NOS1AP: variants seen among roughly 807,000 people sequenced by gnomAD.
NOS1AP encodes carboxyl-terminal PDZ ligand of neuronal nitric oxide synthase protein.
In NOS1AP, 21 loss-of-function variants were observed where a neutral mutation model predicts 56.2. That is an observed-to-expected ratio of 0.37 (90% confidence interval 0.26 to 0.54). NOS1AP has a LOEUF of 0.54. Ranked by LOEUF, NOS1AP falls within the 20% of genes least tolerant of loss-of-function variation. The pLI, the probability that NOS1AP is intolerant of heterozygous loss-of-function variation, is 0.84. For missense variants in NOS1AP, 522 were observed against 657.8 expected (o/e 0.79, Z 2.26); for synonymous variants, 270 against 274.6 (o/e 0.98, Z 0.17).
intron 8 of NOS1AP, chr1:162,360,524 C>A (rs968644105): frequency 1.1e-5 from 3 of 277,886 alleles, no homozygotes; most frequent in Non-Finnish European, 2.1e-5. Context: ...AGCCTTTTTC[C>A]TGAGGAAAGT....
At chr1:162,294,842 CTAAT>C (rs1320450346) in intron 3 of NOS1AP, among the ~76,000 whole-genome samples, 1 of 152,192 alleles carries the variant, frequency 6.6e-6, no homozygotes, top group African/African-American at 2.4e-5. Flanking sequence ...GCCCCTAGGA[CTAAT>C]TAATCTGCTC....
intron 2 of NOS1AP, among the ~76,000 whole-genome samples, chr1:162,194,588 A>G (rs1310236286): frequency 6.6e-6 from 1 of 152,184 alleles, no homozygotes; most frequent in Non-Finnish European, 1.5e-5. Flanking sequence ...CTTGGATATG[A>G]AAATGGTCTT....
At chr1:162,105,185 A>G (rs1236369762) in intron 1 of NOS1AP, among the ~76,000 whole-genome samples, 1 of 151,884 alleles carries the variant, frequency 6.6e-6, no homozygotes, top group African/African-American at 2.4e-5. Flanking sequence ...CTGGGGGTCC[A>G]CTCCAGACCC....
chr1:162,088,950 C>T (rs1172603938), intron 1 of NOS1AP, among the ~76,000 whole-genome samples: 1 of 152,138 alleles, frequency 6.6e-6, no homozygotes, highest in African/African-American at 2.4e-5. Context: ...GGGATTTTCT[C>T]TCCCTCTCGC....
At chr1:162,181,939 A>G (rs1651278776) in intron 2 of NOS1AP, among the ~76,000 whole-genome samples, 1 of 152,258 alleles carries the variant, frequency 6.6e-6, no homozygotes, top group South Asian at 2.1e-4. Flanking sequence ...AGGACTCTGG[A>G]GAATTCCTGG....
intron 1 of NOS1AP, among the ~76,000 whole-genome samples, chr1:162,107,738 A>G (rs528173245): frequency 6.6e-6 from 1 of 152,308 alleles, no homozygotes; most frequent in South Asian, 2.1e-4. Context: ...CACAGAGAGG[A>G]ACAGACAGGA....
rs1388205023 is a variant in NOS1AP, at chr1:162,357,133, C to T, written c.936C>T (p.Ala312=). Residue 312 remains alanine, a synonymous_variant, in exon 8 of 10, where the codon GCC becomes GCT. Transcript: ENST00000361897. ...AGCAGCAGACACAAGTGGCTGTGGC[C>T]CAGGTTCTCCTCAGCCTCCTCCCTA... ...QQQQQTQVAV[A]QVHLLKDQLA... 1.2e-6 allele frequency: 2 copies of T among 1,605,784 alleles called. No individual in the cohort carries two copies. Among genetic ancestry groups the T allele is most frequent in the Middle Eastern group, 1.6e-4 (1 of 6,078 alleles).
At chr1:162,355,847 C>T (rs1657688809) in intron 7 of NOS1AP, among the ~76,000 whole-genome samples, 2 of 152,316 alleles carry the variant, frequency 1.3e-5, no homozygotes, top group South Asian at 2.1e-4. Flanking sequence ...CCACCTTAGT[C>T]TTCATCAGCT....
At chr1:162,168,014 T>C (rs961321703) in intron 2 of NOS1AP, among the ~76,000 whole-genome samples, 1 of 88,720 alleles carries the variant, frequency 1.1e-5, no homozygotes, top group Admixed American at 1.1e-4. Flanking sequence ...AAAAAAAAAA[T>C]ACCAGTGAAA....
At chr1:162,332,432 G>T (rs1430163115) in intron 4 of NOS1AP, among the ~76,000 whole-genome samples, 1 of 152,130 alleles carries the variant, frequency 6.6e-6, no homozygotes, top group African/African-American at 2.4e-5. Context: ...TGTGACCCTG[G>T]CTGCTGGGAT....
At chr1:162,091,625 G>A (rs540794487) in intron 1 of NOS1AP, among the ~76,000 whole-genome samples, 8 of 152,158 alleles carry the variant, frequency 5.3e-5, no homozygotes, top group Non-Finnish European at 5.9e-5. Context: ...CCCCCATGGA[G>A]CAGCAAAACA....
chr1:162,337,033 G>A (rs1656963869), intron 5 of NOS1AP, among the ~76,000 whole-genome samples: 1 of 152,206 alleles, frequency 6.6e-6, no homozygotes, highest in Non-Finnish European at 1.5e-5. Context: ...TTCATTTGCA[G>A]GGCCTTTTGC....
chr1:162,164,426 A>G (rs555158728), intron 2 of NOS1AP, among the ~76,000 whole-genome samples: 296 of 152,338 alleles, frequency 1.9e-3, no homozygotes, highest in Non-Finnish European at 3.4e-3. Flanking sequence ...GACATTAAAT[A>G]CATTCACAAT....
chr1:162,074,641 T>C (rs1473442298), intron 1 of NOS1AP, among the ~76,000 whole-genome samples: 1 of 152,176 alleles, frequency 6.6e-6, no homozygotes, highest in Non-Finnish European at 1.5e-5. Context: ...CAAGACTCAG[T>C]AGCTTGAAAC....
intron 2 of NOS1AP, among the ~76,000 whole-genome samples, chr1:162,285,296 A>G (rs1655054901): frequency 6.6e-6 from 1 of 152,200 alleles, no homozygotes; most frequent in Non-Finnish European, 1.5e-5. Context: ...TTAAAGCCCA[A>G]GTGACTGGAG....
chr1:162,362,743 T>G (rs1290393955), intron 8 of NOS1AP, among the ~76,000 whole-genome samples: 1 of 152,226 alleles, frequency 6.6e-6, no homozygotes, highest in Non-Finnish European at 1.5e-5. Flanking sequence ...AAGCTTACCC[T>G]TCTCTGAGGC....
At chr1:162,279,306 T>C (rs1654842088) in intron 2 of NOS1AP, among the ~76,000 whole-genome samples, 1 of 152,170 alleles carries the variant, frequency 6.6e-6, no homozygotes, top group Non-Finnish European at 1.5e-5. Flanking sequence ...TCGTCTCCTC[T>C]CTACAGGGAG....
intron 2 of NOS1AP, among the ~76,000 whole-genome samples, chr1:162,254,960 C>T (rs1045978234): frequency 1.3e-5 from 2 of 152,194 alleles, no homozygotes; most frequent in Non-Finnish European, 2.9e-5. Flanking sequence ...ATTATTCCTT[C>T]TTCCTCTCTA....
intron 1 of NOS1AP, among the ~76,000 whole-genome samples, chr1:162,121,070 T>C (rs1648195540): frequency 6.8e-6 from 1 of 147,514 alleles, no homozygotes; most frequent in Admixed American, 6.7e-5. Context: ...CTAAAGAACT[T>C]GGCACACTAG....
Sources: gnomAD v4.1 joint callset for allele counts (sites outside exome capture counted in the v4.1 genomes callset) on GRCh38, gnomAD v4.1.1 for gene constraint, MANE v1.5 for transcripts, NCBI Gene and HGNC (gene_info 2026-07-23, HGNC 2026-07-21) for gene names.